ADGB: variants seen among roughly 807,000 people sequenced by gnomAD.
The protein encoded by ADGB is androglobin, also known as calpain-7-like protein.
In ADGB, 172 loss-of-function variants were observed where a neutral mutation model predicts 210.5. The observed-to-expected ratio is 0.82, with a 90% confidence interval of 0.72 to 0.93. The LOEUF (loss-of-function observed/expected upper bound fraction) is 0.93. Ranked by LOEUF, ADGB falls within the 40% of genes least tolerant of loss-of-function variation. The pLI is 0.00. For synonymous variants in ADGB, 658 were observed against 662.7 expected (o/e 0.99, Z 0.11); for missense variants, 2,025 against 1,964.8 (o/e 1.03, Z -0.58).
intron 10 of ADGB, among the ~76,000 whole-genome samples, chr6:146,690,633 G>T (rs1170503354): frequency 6.6e-6 from 1 of 152,166 alleles, no homozygotes; most frequent in African/African-American, 2.4e-5. Context: ...GGGATCTTAT[G>T]TGGAGGAACA....
At chr6:146,661,590 A>G (rs1583579253) in intron 5 of ADGB, among the ~76,000 whole-genome samples, 3 of 152,258 alleles carry the variant, frequency 2.0e-5, no homozygotes, top group Non-Finnish European at 2.9e-5. Context: ...TTTTAAATTC[A>G]AACACAATAT....
At chr6:146,807,757 C>A (rs147138106) in intron 35 of ADGB, 8 of 547,478 alleles carry the variant, frequency 1.5e-5, no homozygotes, top group South Asian at 3.1e-5. Flanking sequence ...GTATTTGAAG[C>A]CATTCGAGTT....
intron 13 of ADGB, among the ~76,000 whole-genome samples, chr6:146,707,909 T>A (rs1483872419): frequency 2.6e-5 from 4 of 152,074 alleles, no homozygotes; most frequent in Non-Finnish European, 5.9e-5. Flanking sequence ...TGTAGGTCCT[T>A]TGTTTCTTTC....
chr6:146,743,345 A>C (rs2114601134), intron 25 of ADGB, among the ~76,000 whole-genome samples: 1 of 152,288 alleles, frequency 6.6e-6, no homozygotes, highest in Admixed American at 6.5e-5. Flanking sequence ...GGTTGAACCA[A>C]GTACGAATCT....
chr6:146,802,623 T>C (rs1165884079), intron 35 of ADGB: 1 of 622,082 alleles, frequency 1.6e-6, no homozygotes, highest in Non-Finnish European at 2.7e-6. Flanking sequence ...TCCACTTCAA[T>C]GTGAAGCAGA....
rs183479817 is a variant in ADGB at position 146,792,858 on chromosome 6, C to T, written c.4537+4248C>T. 7.2e-4 allele frequency among the ~76,000 whole-genome samples: 109 copies of T among 152,206 alleles called. 1 individual carries two copies. Among genetic ancestry groups the T allele is most frequent in the Admixed American group, 9.2e-4 (14 of 15,292 alleles). ...TATTATCATTTTAATGTTTGCACCCCGTTGTGTCTGGAGTTGGTTCCTTCC... is the reference window on the plus strand; with the variant it reads ...TATTATCATTTTAATGTTTGCACCCTGTTGTGTCTGGAGTTGGTTCCTTCC... On this transcript the variant is annotated intron_variant, in intron 33 of 35. Coordinates refer to ENST00000397944, the MANE Select transcript of ADGB (RefSeq NM_024694.4).
intron 9 of ADGB, among the ~76,000 whole-genome samples, chr6:146,683,723 T>A (rs1776188004): frequency 6.6e-6 from 1 of 152,068 alleles, no homozygotes; most frequent in Admixed American, 6.6e-5. Context: ...ATATATTTTA[T>A]TACATAATGT....
chr6:146,657,228 A>T (rs531764541), intron 5 of ADGB, among the ~76,000 whole-genome samples: 8 of 151,792 alleles, frequency 5.3e-5, no homozygotes, highest in African/African-American at 1.9e-4. Context: ...CCGGAGGCTG[A>T]TGTGGGAGAA....
At chr6:146,716,187 C>A (rs1776730509) in intron 14 of ADGB, among the ~76,000 whole-genome samples, 2 of 152,182 alleles carry the variant, frequency 1.3e-5, no homozygotes, top group African/African-American at 2.4e-5. Context: ...TTCAAGTTTT[C>A]ATTTCCCTTT....
chr6:146,730,743 G>T (rs1776969324), intron 20 of ADGB, among the ~76,000 whole-genome samples: 1 of 152,096 alleles, frequency 6.6e-6, no homozygotes. Context: ...TTAGAAAGAT[G>T]TACTGGCCAA....
chr6:146,665,977 C>A (rs533781490), intron 6 of ADGB, among the ~76,000 whole-genome samples: 104 of 152,094 alleles, frequency 6.8e-4, no homozygotes, highest in African/African-American at 2.4e-3. Context: ...GGATCTATCC[C>A]AATAGACACT....
chr6:146,801,697 T>C, intron 34 of ADGB, 131 bp from the exon 35 acceptor site: 1 of 702,428 alleles, frequency 1.4e-6, no homozygotes, highest in African/African-American at 1.9e-5. Context: ...TTATTTTTTC[T>C]ATCCCTAATG....
chr6:146,602,194 G>A (rs1441207591), intron 1 of ADGB, among the ~76,000 whole-genome samples: 2 of 152,106 alleles, frequency 1.3e-5, no homozygotes. Context: ...TTTTGACAAC[G>A]GACAAGTCAT....
chr6:146,762,511 C>A (rs1218502715), intron 27 of ADGB, among the ~76,000 whole-genome samples: 4 of 152,112 alleles, frequency 2.6e-5, no homozygotes, highest in Admixed American at 6.6e-5. Flanking sequence ...AGCTTCATAT[C>A]TATTTCTATT....
chr6:146,757,548 TAC>T (rs1005581646), intron 27 of ADGB, among the ~76,000 whole-genome samples: 19 of 151,874 alleles, frequency 1.3e-4, no homozygotes, highest in African/African-American at 4.6e-4. Flanking sequence ...CTAGTTACTG[TAC>T]AATACCCCAA....
At chr6:146,763,297 A>T (rs1777523375) in intron 27 of ADGB, among the ~76,000 whole-genome samples, 1 of 152,192 alleles carries the variant, frequency 6.6e-6, no homozygotes, top group South Asian at 2.1e-4. Flanking sequence ...GAATAAGCCC[A>T]ATGTCATGGC....
chr6:146,711,737 A>G (rs1776659612), intron 13 of ADGB, among the ~76,000 whole-genome samples: 1 of 152,170 alleles, frequency 6.6e-6, no homozygotes, highest in Non-Finnish European at 1.5e-5. Flanking sequence ...TGATTTAAAG[A>G]TGACATTCTG....
chr6:146,793,375 C>T (rs897738015), intron 33 of ADGB, among the ~76,000 whole-genome samples: 3 of 152,172 alleles, frequency 2.0e-5, no homozygotes, highest in Non-Finnish European at 4.4e-5. Flanking sequence ...CCCCACTAAA[C>T]AGGACACCCC....
intron 1 of ADGB, among the ~76,000 whole-genome samples, chr6:146,621,991 T>C (rs1780901560): frequency 6.6e-6 from 1 of 152,302 alleles, no homozygotes; most frequent in South Asian, 2.1e-4. Flanking sequence ...TTCTATATTT[T>C]ACATGGCCAC....
Sources: gnomAD v4.1 joint callset for allele counts (sites outside exome capture counted in the v4.1 genomes callset) on GRCh38, gnomAD v4.1.1 for gene constraint, MANE v1.5 for transcripts, NCBI Gene and HGNC (gene_info 2026-07-23, HGNC 2026-07-21) for gene names.